The following CDC42BPA variants were observed in gnomAD, a reference collection of about 807,000 sequenced individuals.
The protein encoded by CDC42BPA is CDC42 binding protein kinase alpha, also known as serine/threonine-protein kinase MRCK alpha.
In CDC42BPA, 80 loss-of-function variants were observed where a neutral mutation model predicts 223.5. The ratio of observed to expected loss-of-function variants is 0.36; its 90% CI spans 0.30 to 0.43. The LOEUF (loss-of-function observed/expected upper bound fraction) is 0.43, where lower values mean the gene tolerates loss of function less well. Among genes scored for constraint, CDC42BPA ranks in the 20% least tolerant of loss-of-function variants. CDC42BPA has a pLI of 1.00. For missense variants in CDC42BPA, 1,743 were observed against 2,099.9 expected (o/e 0.83, Z 3.32); for synonymous variants, 694 against 718.6 (o/e 0.97, Z 0.55).
intron 6 of CDC42BPA, among the ~76,000 whole-genome samples, chr1:227,148,785 A>AAAAAAG (rs1661188569): frequency 1.3e-5 from 2 of 150,700 alleles, no homozygotes; most frequent in Non-Finnish European, 3.0e-5. Context: ...AAAAAAAAAA[A>AAAAAAG]AAAAAAAAAA....
chr1:227,129,692 A>AAAAAAAAAAAAAAC (rs1656617869), intron 10 of CDC42BPA, among the ~76,000 whole-genome samples: 1 of 96,576 alleles, frequency 1.0e-5, no homozygotes, highest in Non-Finnish European at 2.3e-5. Context: ...AAAAAAAAAA[A>AAAAAAAAAAAAAAC]AATCCACTGC....
chr1:227,112,778 T>G lies in CDC42BPA; in HGVS notation c.1783A>C (p.Lys595Gln). Residue 595 changes from lysine (K) to glutamine (Q), a missense_variant, in exon 13 of 37, where the codon AAA becomes CAA. This residue lies in a region of CDC42BPA where 464 missense variants were observed against 488.0 expected (regional missense o/e 0.95). Transcript: ENST00000366766. ...TTATCTCGGACATGGCGAGCAAGTT[T>G]CTGTTTTTGGGTGTGCAATTCTGTT... ...RLTELHTQKQ[K>Q]LARHVRDKEE... 1 of 1,614,124 alleles carries G rather than the reference T, an allele frequency of 6.2e-7. No homozygotes were observed. Among genetic ancestry groups the G allele is most frequent in the Non-Finnish European group, 8.5e-7 (1 of 1,180,004 alleles).
In CDC42BPA at chr1:226,994,914, C is replaced by T. The variant is rs369962125; in HGVS notation, c.5042G>A (p.Arg1681Gln). The T allele has an allele frequency of 1.6e-5, 26 of 1,613,982 alleles. No homozygotes were observed. The highest frequency in any genetic ancestry group is 1.6e-4 in the Middle Eastern group (1 of 6,084). ...EFSGGSYSAK[R>Q]QPMPSPSEGS... The stretch of plus-strand genomic sequence containing the variant: ...CTCTGACGGGGAGGGCATGGGCTGC[C>T]GCTTGGCACTGTAGCTTCCTCCAGA... Residue 1681 changes from arginine to glutamine, a missense_variant, in exon 36 of 37, where the codon CGG becomes CAG. Transcript: ENST00000366766. This position sits in a 1 kb window ranked among gnomAD's most constrained non-coding sequence, Gnocchi z 4.0.
At chr1:227,031,173 T>A (rs1572366955) in intron 28 of CDC42BPA, 125 bp downstream of exon 28, 2 of 701,076 alleles carry the variant, frequency 2.9e-6, no homozygotes, top group East Asian at 5.3e-5. Flanking sequence ...AAACATGTAC[T>A]GAGCATTTAT....
intron 34 of CDC42BPA, among the ~76,000 whole-genome samples, chr1:227,007,116 G>A (rs1426703396): frequency 2.6e-5 from 4 of 152,204 alleles, no homozygotes; most frequent in Admixed American, 2.6e-4. Context: ...AAAAATTCAA[G>A]TTTTGTGACT....
chr1:226,998,810 T>C (rs1324598284), intron 35 of CDC42BPA, among the ~76,000 whole-genome samples: 3 of 152,082 alleles, frequency 2.0e-5, no homozygotes, highest in Non-Finnish European at 4.4e-5. Context: ...CTAATTAAAC[T>C]AAAGAGCTTC....
intron 34 of CDC42BPA, among the ~76,000 whole-genome samples, chr1:227,006,717 ACGAG>A (rs1352979203): frequency 1.3e-5 from 2 of 152,162 alleles, no homozygotes; most frequent in Non-Finnish European, 2.9e-5. Flanking sequence ...TGGGCAGATC[ACGAG>A]GTCAGGAATT....
At chr1:227,134,589 T>A (rs2149560902) in intron 10 of CDC42BPA, among the ~76,000 whole-genome samples, 1 of 152,244 alleles carries the variant, frequency 6.6e-6, no homozygotes, top group Admixed American at 6.5e-5. Flanking sequence ...CAAGGGGAGG[T>A]ATTTTTGCCT....
chr1:227,118,085 T>C (rs147704678), intron 12 of CDC42BPA, among the ~76,000 whole-genome samples: 14 of 152,212 alleles, frequency 9.2e-5, no homozygotes, highest in Non-Finnish European at 1.3e-4. Context: ...AAACCTAAAA[T>C]CTCAATTTAG....
chr1:227,174,634 G>C (rs1171377604), intron 5 of CDC42BPA, among the ~76,000 whole-genome samples: 4 of 152,112 alleles, frequency 2.6e-5, no homozygotes, highest in African/African-American at 9.7e-5. Context: ...TTAAAGAGAT[G>C]AGGTTAATAA....
At chr1:227,219,363 G>A (rs1019801187) in intron 2 of CDC42BPA, 1 of 152,190 alleles carries the variant, frequency 6.6e-6, no homozygotes, top group African/African-American at 2.4e-5. Flanking sequence ...AGGCAGAAGC[G>A]GTGAGCCACC....
intron 14 of CDC42BPA, among the ~76,000 whole-genome samples, chr1:227,107,658 TTTTC>T (rs1256536826): frequency 6.6e-6 from 1 of 152,214 alleles, no homozygotes; most frequent in Non-Finnish European, 1.5e-5. Flanking sequence ...GGTCTTGGAC[TTTTC>T]TTTGTTAGAA....
At position 227,069,836 on chromosome 1, in the gene CDC42BPA, A is replaced by T. The variant is rs759443180; in HGVS notation, c.2845T>A (p.Ser949Thr). The change falls in exon 21 of 37, where the codon TCA becomes ACA. Residue 949 changes from serine to threonine, a missense_variant. By Grantham distance (58) the Ser-to-Thr change is moderately conservative. This residue lies in a region of CDC42BPA where 678 missense variants were observed against 777.5 expected (regional missense o/e 0.87). Transcript: ENST00000366766. ...AAAAATGCCAAGAAAGAATGCTGTGAGTCTTGGTGCTCTATACCTAGAAGA... is the reference window on the plus strand; with the variant it reads ...AAAAATGCCAAGAAAGAATGCTGTGTGTCTTGGTGCTCTATACCTAGAAGA... ...RSEKGIEHQD[S>T]QHSFLAFLNT... 7 of 1,611,450 alleles carry T rather than the reference A, an allele frequency of 4.3e-6. No individual in the cohort carries two copies. The highest frequency in any genetic ancestry group is 2.7e-5 in the African/African-American group (2 of 74,854).
chr1:227,003,915 T>C (rs1023834764), intron 35 of CDC42BPA: 2 of 152,234 alleles, frequency 1.3e-5, no homozygotes, highest in Non-Finnish European at 2.9e-5. Flanking sequence ...TATGTATTTT[T>C]ACCCCCAGCA....
intron 2 of CDC42BPA, among the ~76,000 whole-genome samples, chr1:227,236,305 A>G (rs892659651): frequency 6.6e-5 from 10 of 152,160 alleles, no homozygotes; most frequent in Admixed American, 4.6e-4. Flanking sequence ...TCACTACTTT[A>G]CCAATCATCT....
chr1:227,232,238 G>A (rs1315744016), intron 2 of CDC42BPA, among the ~76,000 whole-genome samples: 1 of 152,100 alleles, frequency 6.6e-6, no homozygotes, highest in Non-Finnish European at 1.5e-5. Context: ...ATTAAATAGG[G>A]AATCCTTTCC....
At chr1:227,113,456 A>G (rs564443519) in intron 12 of CDC42BPA, among the ~76,000 whole-genome samples, 1 of 152,358 alleles carries the variant, frequency 6.6e-6, no homozygotes, top group East Asian at 1.9e-4. Context: ...AATTTTTCAC[A>G]TATTAAGAAC....
chr1:227,245,382 C>T (rs1680756592), intron 2 of CDC42BPA, among the ~76,000 whole-genome samples: 1 of 150,818 alleles, frequency 6.6e-6, no homozygotes, highest in African/African-American at 2.4e-5. Flanking sequence ...CCTCTGCCTC[C>T]CAAGTTCAAG....
At chr1:227,187,339 A>T (rs982246432) in intron 5 of CDC42BPA, among the ~76,000 whole-genome samples, 3 of 152,224 alleles carry the variant, frequency 2.0e-5, no homozygotes, top group Non-Finnish European at 4.4e-5. Flanking sequence ...AGAAAGAATC[A>T]GAAATGCTAG....
Sources: gnomAD v4.1 joint callset for allele counts (sites outside exome capture counted in the v4.1 genomes callset) on GRCh38, gnomAD v4.1.1 for gene constraint, gnomAD v4.1.1 regional missense constraint, Gnocchi (gnomAD v3.1) non-coding constraint, MANE v1.5 for transcripts, NCBI Gene and HGNC (gene_info 2026-07-23, HGNC 2026-07-21) for gene names.